Variants in ERBB4 observed in about 807,000 individuals in gnomAD.
The protein encoded by ERBB4 is erb-b2 receptor tyrosine kinase 4, also known as receptor tyrosine-protein kinase erbB-4.
ERBB4 carries 42 observed loss-of-function variants against 158.0 expected under a neutral mutation model. The observed-to-expected ratio is 0.27, with a 90% CI of 0.21 to 0.34. The LOEUF (loss-of-function observed/expected upper bound fraction) is 0.34. ERBB4 is among the 10% of genes least tolerant of loss of function. The pLI is 1.00. For synonymous variants in ERBB4, 583 were observed against 558.7 expected (o/e 1.04, Z -0.61); for missense variants, 1,333 against 1,624.1 (o/e 0.82, Z 3.08).
intron 1 of ERBB4, among the ~76,000 whole-genome samples, chr2:212,374,011 CATATATATCCATAT>C (rs1181781009): frequency 0.018 from 1,890 of 102,838 alleles, 161 homozygotes; most frequent in Admixed American, 0.042. Context: ...TATATATATC[CATATATATCCATAT>C]ATATATATCC....
intron 25 of ERBB4, among the ~76,000 whole-genome samples, chr2:211,411,678 A>G (rs976872601): frequency 1.3e-5 from 2 of 152,200 alleles, no homozygotes; most frequent in Non-Finnish European, 2.9e-5. Flanking sequence ...TGACTGGTCA[A>G]CTGGAATGAC....
At chr2:212,228,921 T>C (rs2083569771) in intron 1 of ERBB4, among the ~76,000 whole-genome samples, 2 of 152,208 alleles carry the variant, frequency 1.3e-5, no homozygotes, top group African/African-American at 4.8e-5. Context: ...TTTATGTATA[T>C]GTGAAGTATG....
At chr2:212,450,927 A>C (rs2092436708) in intron 1 of ERBB4, among the ~76,000 whole-genome samples, 1 of 151,978 alleles carries the variant, frequency 6.6e-6, no homozygotes, top group Admixed American at 6.6e-5. Flanking sequence ...GGAGTTTGAG[A>C]CCAGCCTGGG....
intron 1 of ERBB4, among the ~76,000 whole-genome samples, chr2:212,366,815 G>A (rs932095568): frequency 1.1e-4 from 17 of 151,802 alleles, no homozygotes; most frequent in Admixed American, 2.6e-4. Context: ...TTAATAAAAC[G>A]TTATCAAAAT....
At chr2:211,687,509 A>T (rs201848304) in intron 12 of ERBB4, among the ~76,000 whole-genome samples, 1 of 106,546 alleles carries the variant, frequency 9.4e-6, no homozygotes, top group African/African-American at 2.9e-5. Context: ...TTTGTTTGTT[A>T]TTTTTAGCAT....
At chr2:211,454,078 G>A (rs1384401601) in intron 20 of ERBB4, among the ~76,000 whole-genome samples, 1 of 152,124 alleles carries the variant, frequency 6.6e-6, no homozygotes, top group Non-Finnish European at 1.5e-5. Flanking sequence ...AGCTATAATT[G>A]TACTGTATAG....
intron 12 of ERBB4, among the ~76,000 whole-genome samples, chr2:211,684,001 T>C (rs542131766): frequency 6.6e-6 from 1 of 152,308 alleles, no homozygotes. Flanking sequence ...CAGAGAAATG[T>C]TTCTTCGTAT....
Position 211,387,111 on chromosome 2 carries a change from G to C in ERBB4, c.3223C>G (p.Gln1075Glu), listed in dbSNP as rs2125320382. The change falls in exon 27 of 28, where the codon CAA becomes GAA. Residue 1075 changes from glutamine to glutamate, a missense_variant. This residue lies in a region of ERBB4 where 252 missense variants were observed against 241.3 expected (regional missense o/e 1.04). Transcript: ENST00000342788. Reference sequence around the variant, plus strand: ...GCTCTGTAGGGCACAGACACTCCTTGTTCAGCAGCAAAACCTCCATCTCGG... The same window carrying C: ...GCTCTGTAGGGCACAGACACTCCTTCTTCAGCAGCAAAACCTCCATCTCGG... ...VYRDGGFAAE[Q>E]GVSVPYRAPT... is the part of the protein sequence containing the mutation. 1 of 1,613,990 alleles carries C rather than the reference G, an allele frequency of 6.2e-7. No homozygotes were observed. The highest frequency in any genetic ancestry group is 8.5e-7 in the Non-Finnish European group (1 of 1,179,876).
At chr2:211,727,483 AG>A (rs2074303786) in intron 5 of ERBB4, among the ~76,000 whole-genome samples, 1 of 152,212 alleles carries the variant, frequency 6.6e-6, no homozygotes, top group Non-Finnish European at 1.5e-5. Context: ...TCAAGTAAAT[AG>A]GTAAATCATA....
intron 1 of ERBB4, among the ~76,000 whole-genome samples, chr2:212,434,800 A>G (rs1023929359): frequency 2.6e-5 from 4 of 152,176 alleles, no homozygotes; most frequent in South Asian, 4.1e-4. Context: ...TTCTTATTAC[A>G]TACAACTGAG....
At chr2:211,822,740 A>C (rs2077021526) in intron 3 of ERBB4, among the ~76,000 whole-genome samples, 1 of 152,040 alleles carries the variant, frequency 6.6e-6, no homozygotes, top group Non-Finnish European at 1.5e-5. Context: ...TTATATAATG[A>C]TGCATCAATA....
chr2:211,482,778 G>C (rs920405334), intron 20 of ERBB4, among the ~76,000 whole-genome samples: 6 of 152,220 alleles, frequency 3.9e-5, no homozygotes, highest in Non-Finnish European at 5.9e-5. Flanking sequence ...GGTGGCACAT[G>C]TCTGTAATCC....
chr2:211,914,416 A>G (rs372042675), intron 3 of ERBB4, among the ~76,000 whole-genome samples: 13 of 152,256 alleles, frequency 8.5e-5, no homozygotes, highest in African/African-American at 3.1e-4. Flanking sequence ...TCAAAGCTAG[A>G]AAACATCCTT....
chr2:212,399,555 T>TATATAC (rs1184367116), intron 1 of ERBB4, among the ~76,000 whole-genome samples: 2 of 22,168 alleles, frequency 9.0e-5, no homozygotes. Flanking sequence ...CATATATATA[T>TATATAC]ATATATATAT....
At chr2:212,442,096 A>T (rs1437807041) in intron 1 of ERBB4, among the ~76,000 whole-genome samples, 1 of 152,234 alleles carries the variant, frequency 6.6e-6, no homozygotes, top group African/African-American at 2.4e-5. Context: ...GACAGCAGAG[A>T]CAAAGCAGCA....
At chr2:211,706,356 T>C (rs961909240) in intron 9 of ERBB4, among the ~76,000 whole-genome samples, 3 of 152,214 alleles carry the variant, frequency 2.0e-5, no homozygotes, top group African/African-American at 7.2e-5. Flanking sequence ...ATCCACTATA[T>C]GCAGCCTTAA....
At chr2:211,983,924 A>C (rs931641673) in intron 2 of ERBB4, among the ~76,000 whole-genome samples, 1 of 152,228 alleles carries the variant, frequency 6.6e-6, no homozygotes, top group Non-Finnish European at 1.5e-5. Context: ...TTATTGATCT[A>C]TAATATACAT....
At chr2:211,738,302 T>A (rs768454805) in intron 5 of ERBB4, among the ~76,000 whole-genome samples, 3 of 151,980 alleles carry the variant, frequency 2.0e-5, no homozygotes, top group South Asian at 2.1e-4. Context: ...AAAATTATTT[T>A]AAAAATACAA....
At chr2:212,266,566 C>T (rs2085144619) in intron 1 of ERBB4, among the ~76,000 whole-genome samples, 1 of 151,878 alleles carries the variant, frequency 6.6e-6, no homozygotes, top group Non-Finnish European at 1.5e-5. Context: ...AAGAAGAATG[C>T]TTTCAAATGG....
Sources: gnomAD v4.1 joint callset for allele counts (sites outside exome capture counted in the v4.1 genomes callset) on GRCh38, gnomAD v4.1.1 for gene constraint, gnomAD v4.1.1 regional missense constraint, MANE v1.5 for transcripts, NCBI Gene and HGNC (gene_info 2026-07-23, HGNC 2026-07-21) for gene names.